Variants in GPC5 observed in about 807,000 individuals in gnomAD.
GPC5 encodes glypican 5, also known as glypican-5.
Under a neutral mutation model 53.9 loss-of-function variants are expected in GPC5, and 47 were observed. That is an observed-to-expected ratio of 0.87 (90% CI 0.69 to 1.11). GPC5 has a LOEUF of 1.11. Ranked by LOEUF, GPC5 falls within the 50% of genes most tolerant of loss-of-function variation. GPC5 has a pLI of 0.00. For missense variants in GPC5, 748 were observed against 713.1 expected (o/e 1.05, Z -0.56); for synonymous variants, 286 against 263.3 (o/e 1.09, Z -0.84).
intron 2 of GPC5, among the ~76,000 whole-genome samples, chr13:91,628,665 A>G (rs1040009952): frequency 2.6e-5 from 4 of 152,210 alleles, no homozygotes; most frequent in Non-Finnish European, 5.9e-5. Context: ...TTTTATGATA[A>G]CTTTTAAGCA....
At chr13:92,166,956 T>TCTCTCTCACA (rs1415930136) in intron 7 of GPC5, among the ~76,000 whole-genome samples, 6 of 84,708 alleles carry the variant, frequency 7.1e-5, no homozygotes, top group African/African-American at 2.7e-4. Context: ...TCTCTCTCTC[T>TCTCTCTCACA]CACACACACA....
At chr13:92,605,589 T>TTA (rs1234155088) in intron 7 of GPC5, among the ~76,000 whole-genome samples, 7 of 149,548 alleles carry the variant, frequency 4.7e-5, no homozygotes, top group Admixed American at 4.6e-4. Context: ...TTTTTTTTTT[T>TTA]TTTATTTTTT....
chr13:92,176,952 G>T (rs1308419603), intron 7 of GPC5, among the ~76,000 whole-genome samples: 1 of 152,272 alleles, frequency 6.6e-6, no homozygotes, highest in East Asian at 1.9e-4. Flanking sequence ...CTGCCACTAT[G>T]CTATAGTTGT....
chr13:92,357,663 G>A (rs965669648), intron 7 of GPC5, among the ~76,000 whole-genome samples: 1 of 151,570 alleles, frequency 6.6e-6, no homozygotes, highest in Non-Finnish European at 1.5e-5. Flanking sequence ...TAGTTTGGGA[G>A]GTCTAAGGAA....
intron 7 of GPC5, among the ~76,000 whole-genome samples, chr13:92,623,848 C>CTGTT (rs1884957550): frequency 6.7e-6 from 1 of 149,758 alleles, no homozygotes; most frequent in Non-Finnish European, 1.5e-5. Flanking sequence ...CTGATAGTGT[C>CTGTT]TATTTATTTA....
chr13:91,955,172 TCAGTAAAATTC>T (rs1330900369), intron 6 of GPC5, among the ~76,000 whole-genome samples: 2 of 152,180 alleles, frequency 1.3e-5, no homozygotes, highest in African/African-American at 4.8e-5. Flanking sequence ...ATCTGGATAT[TCAGTAAAATTC>T]CAGTAAAATT....
At chr13:92,180,880 T>G (rs542123842) in intron 7 of GPC5, 6 of 183,744 alleles carry the variant, frequency 3.3e-5, no homozygotes, top group South Asian at 1.1e-4. Context: ...TGATTTTCAT[T>G]GTCCTATCAC....
chr13:91,416,454 T>TTTATTA (rs368453925), intron 1 of GPC5, among the ~76,000 whole-genome samples: 34 of 151,076 alleles, frequency 2.3e-4, no homozygotes, highest in African/African-American at 4.9e-4. Context: ...ATCCATTTCT[T>TTTATTA]TTATTATTAT....
At chr13:92,201,956 A>G (rs568604643) in intron 7 of GPC5, among the ~76,000 whole-genome samples, 108 of 152,312 alleles carry the variant, frequency 7.1e-4, no homozygotes, top group African/African-American at 2.5e-3. Flanking sequence ...TTACAATAGT[A>G]ATCAGATTAC....
At chr13:91,587,788 A>T (rs914140293) in intron 2 of GPC5, among the ~76,000 whole-genome samples, 1 of 152,200 alleles carries the variant, frequency 6.6e-6, no homozygotes, top group Non-Finnish European at 1.5e-5. Flanking sequence ...CATATCAAAG[A>T]ACAGAATGTA....
intron 7 of GPC5, among the ~76,000 whole-genome samples, chr13:92,550,376 T>A (rs1002026473): frequency 6.6e-6 from 1 of 152,042 alleles, no homozygotes. Flanking sequence ...ATGTCTCTGA[T>A]AATACCTTTG....
chr13:92,200,841 A>G (rs932691958), intron 7 of GPC5, among the ~76,000 whole-genome samples: 2 of 152,364 alleles, frequency 1.3e-5, no homozygotes, highest in East Asian at 3.9e-4. Flanking sequence ...TTCACGGGAA[A>G]AGATGCTGGC....
intron 7 of GPC5, among the ~76,000 whole-genome samples, chr13:92,516,985 C>CT (rs1880812267): frequency 6.6e-6 from 1 of 152,040 alleles, no homozygotes; most frequent in Admixed American, 6.6e-5. Flanking sequence ...CACTCTAATA[C>CT]TGCTCTTTTC....
intron 1 of GPC5, among the ~76,000 whole-genome samples, chr13:91,412,389 C>T (rs551879491): frequency 6.6e-6 from 1 of 152,284 alleles, no homozygotes; most frequent in African/African-American, 2.4e-5. Flanking sequence ...AATAAAAGAA[C>T]ATGATTGTAT....
chr13:92,583,462 T>C (rs559357148), intron 7 of GPC5, among the ~76,000 whole-genome samples: 2 of 152,284 alleles, frequency 1.3e-5, no homozygotes, highest in East Asian at 3.9e-4. Context: ...AGATTGAATA[T>C]AGAGCCTATT....
chr13:91,805,120 A>G (rs759609305), intron 5 of GPC5, among the ~76,000 whole-genome samples: 1 of 152,204 alleles, frequency 6.6e-6, no homozygotes, highest in Non-Finnish European at 1.5e-5. Flanking sequence ...AAACAATGAC[A>G]GGATGGAGAG....
intron 2 of GPC5, among the ~76,000 whole-genome samples, chr13:91,628,212 T>C (rs1054191778): frequency 6.6e-6 from 1 of 151,920 alleles, no homozygotes; most frequent in Non-Finnish European, 1.5e-5. Context: ...ATAATGTAGG[T>C]TATTAAAATT....
intron 5 of GPC5, among the ~76,000 whole-genome samples, chr13:91,818,487 GTTAT>G (rs2038435022): frequency 6.6e-6 from 1 of 152,104 alleles, no homozygotes; most frequent in Non-Finnish European, 1.5e-5. Context: ...TAGCTCTAAG[GTTAT>G]TTAAATTTAG....
chr13:92,472,235 C>A (rs1878941803), intron 7 of GPC5, among the ~76,000 whole-genome samples: 4 of 151,982 alleles, frequency 2.6e-5, no homozygotes, highest in Admixed American at 2.6e-4. Flanking sequence ...ATAATACCAT[C>A]TTAATCTTTC....
Sources: allele counts gnomAD v4.1 joint callset (sites outside exome capture counted in the v4.1 genomes callset), GRCh38; gene constraint gnomAD v4.1.1; transcripts MANE v1.5; gene names NCBI Gene and HGNC (gene_info 2026-07-23, HGNC 2026-07-21).